Variants in AGR2 observed in about 807,000 individuals in gnomAD.
AGR2 encodes anterior gradient 2, protein disulphide isomerase family member.
A neutral mutation model predicts 25.9 loss-of-function variants in AGR2; 27 were observed. The observed-to-expected ratio is 1.04, with a 90% confidence interval of 0.77 to 1.44. AGR2 has a LOEUF of 1.44. Ranked by LOEUF, AGR2 falls within the 40% of genes most tolerant of loss-of-function variation. The probability of loss-of-function intolerance (pLI) is 0.00; values close to 1 mark genes in which losing one functional copy is unlikely to be tolerated. For synonymous variants in AGR2, 78 were observed against 72.0 expected, an observed-to-expected ratio of 1.08 and a Z score of -0.42; for missense variants, 182 against 200.9, an observed-to-expected ratio of 0.91 and a Z score of 0.57.
intron 7 of AGR2, chr7:16,794,589 A>G (rs1785012576): frequency 2.2e-6 from 1 of 452,216 alleles, no homozygotes; most frequent in Non-Finnish European, 3.8e-6. Flanking sequence ...AAAAATTAAG[A>G]CATGCAGATT....
chr7:16,797,758 A>C (rs1324440378), intron 5 of AGR2, 64 bp from the exon 6 acceptor site: 1 of 1,380,288 alleles, frequency 7.2e-7, no homozygotes. Flanking sequence ...CAAACTTGTT[A>C]ATACAAGAAT....
At chr7:16,794,465 A>G (rs887408405) in intron 7 of AGR2, among the ~76,000 whole-genome samples, 3 of 152,174 alleles carry the variant, frequency 2.0e-5, no homozygotes, top group African/African-American at 7.2e-5. Context: ...GATGGCAACC[A>G]TAGGGAAGGT....
chr7:16,800,892 T>G (rs1414100655), intron 4 of AGR2, among the ~76,000 whole-genome samples: 1 of 152,202 alleles, frequency 6.6e-6, no homozygotes, highest in Non-Finnish European at 1.5e-5. Context: ...AAGCCAGTAT[T>G]TGCTGGTGTA....
In AGR2 at chr7:16,802,105, C is replaced by T. The variant is rs146391002; in HGVS notation, c.-7-302G>A. On this transcript the variant is annotated intron_variant, in intron 1 of 7. Transcript: ENST00000419304. ...TACTTTCTGCGGTTTCAGCTAACCA[C>T]GGTCAACCGCGTCCAAAATAAGTGA... 2.8e-3 allele frequency among the ~76,000 whole-genome samples: 427 copies of T among 151,982 alleles called. 5 individuals are homozygous for T. Among genetic ancestry groups the T allele is most frequent in the African/African-American group, 9.9e-3 (408 of 41,398 alleles).
chr7:16,794,391 T>C (rs919414318), intron 7 of AGR2, among the ~76,000 whole-genome samples: 3 of 152,214 alleles, frequency 2.0e-5, no homozygotes, highest in Non-Finnish European at 2.9e-5. Flanking sequence ...AGCTACAGCG[T>C]TGCATTGAGG....
chr7:16,795,054 GGTTT>G (rs1418115228), intron 6 of AGR2, 35 bp from the exon 7 acceptor site: 1 of 1,610,096 alleles, frequency 6.2e-7, no homozygotes. Flanking sequence ...GGAATGGAAT[GGTTT>G]GTTTTCAAAC....
At position 16,797,516 on chromosome 7, in the gene AGR2, G is replaced by A. The variant is rs913332150; in HGVS notation, c.394+115C>T. The A allele has an allele frequency of 9.1e-6, 7 of 767,904 alleles. No individual in the cohort carries two copies. The African/African-American group carries it at 1.2e-4, about 13-fold the overall frequency. The allele number at this position is 767,904 out of a possible 1,614,324, so 47.6% of individuals were successfully genotyped here. A position where few individuals can be genotyped will look rare whatever the true frequency, so the allele number is the denominator to read the frequency against. On this transcript the variant is annotated intron_variant, in intron 6 of 7. Coordinates refer to ENST00000419304, the MANE Select transcript of AGR2 (RefSeq NM_006408.4). ...TAAAGGAATGTCATGCTCCTTGCTA[G>A]AGCTTAGTGATGACATTGGCCATGG...
Position 16,792,941 on chromosome 7 carries a change from C to G in AGR2, c.495G>C (p.Lys165Asn). The G allele has an allele frequency of 6.2e-7, 1 of 1,614,042 alleles. No individual in the cohort carries two copies. The highest frequency in any genetic ancestry group is 1.1e-5 in the South Asian group (1 of 91,084). The change falls in exon 8 of 8, where the codon AAG (lysine) becomes AAC (asparagine). Residue 165 changes from lysine to asparagine, a missense_variant. Transcript: ENST00000419304. ...ADTALLLDNM[K>N]KALKLLKTEL Reference sequence around the variant, plus strand: ...CAGTCTTCAGCAACTTGAGAGCTTTCTTCATGTTGTCAAGCACTAATGGGG... The same window carrying G: ...CAGTCTTCAGCAACTTGAGAGCTTTGTTCATGTTGTCAAGCACTAATGGGG...
At chr7:16,803,233 T>C (rs1312994119) in intron 1 of AGR2, 2 of 152,086 alleles carry the variant, frequency 1.3e-5, no homozygotes, top group South Asian at 4.1e-4. Context: ...CAAGATAAGT[T>C]TTGTGAGTGA....
intron 1 of AGR2, among the ~76,000 whole-genome samples, chr7:16,803,876 A>C (rs62440424): frequency 0.17 from 25,216 of 152,230 alleles, 2,312 homozygotes; most frequent in South Asian, 0.28. Flanking sequence ...ATTTCTTTGA[A>C]TCTATCAACA....
In AGR2 at chr7:16,792,378, A is replaced by G. The variant is rs1479993918; in HGVS notation, c.*530T>C. The G allele has an allele frequency of 6.5e-6, 1 of 152,944 alleles. No homozygotes were observed. 9.5% of individuals were successfully genotyped at this position (152,944 alleles called of 1,614,324 possible). A position where few individuals can be genotyped will look rare whatever the true frequency, so the allele number is the denominator to read the frequency against. ...TGTGTACCTTAGAGTTCCTGGCCAG[A>G]GTTGACTCTAGGTAGTGATGTGATT... On this transcript the variant is annotated 3_prime_UTR_variant, in exon 8 of 8. Coordinates refer to ENST00000419304, the MANE Select transcript of AGR2 (RefSeq NM_006408.4).
At chr7:16,801,918 G>A in intron 1 of AGR2, 115 bp from the exon 2 acceptor site, 1 of 797,754 alleles carries the variant, frequency 1.3e-6, no homozygotes, top group South Asian at 2.4e-5. Flanking sequence ...TGCTGAGACT[G>A]GACATACGAG....
In AGR2 at chr7:16,799,560, AAC is replaced by A. The variant is rs1391362182; in HGVS notation, c.330+182_330+183del. ...CTAAGATGATTAATTACTAAATAAA[AAC>A]AGACACACCAAATGGATTATTAATA... On this transcript the variant is annotated intron_variant, in intron 5 of 7. Coordinates refer to ENST00000419304, the MANE Select transcript of AGR2 (RefSeq NM_006408.4). 4 of 531,162 alleles carry A rather than the reference AAC, an allele frequency of 7.5e-6. No individual in the cohort carries two copies. In the African/African-American group the frequency reaches 7.6e-5, roughly 10 times the overall value. 32.9% of individuals were successfully genotyped at this position (531,162 alleles called of 1,614,324 possible).
intron 5 of AGR2, 94 bp from the exon 6 acceptor site, chr7:16,797,788 C>T (rs1785075059): frequency 4.2e-6 from 4 of 954,606 alleles, no homozygotes; most frequent in Non-Finnish European, 6.4e-6. Context: ...TCCGGCCAGG[C>T]ATCTCAAGAT....
intron 1 of AGR2, among the ~76,000 whole-genome samples, chr7:16,802,643 C>T (rs1414274041): frequency 1.3e-5 from 2 of 152,012 alleles, no homozygotes; most frequent in Non-Finnish European, 2.9e-5. Context: ...TTAAGTCAAA[C>T]TTCTGTAAGT....
intron 2 of AGR2, 106 bp downstream of exon 2, chr7:16,801,552 C>A (rs768080597): frequency 1.3e-6 from 2 of 1,481,796 alleles, no homozygotes. Flanking sequence ...AGGAACACAA[C>A]CAAAAATAAC....
intron 6 of AGR2, among the ~76,000 whole-genome samples, chr7:16,796,405 C>T (rs562013387): frequency 3.3e-5 from 5 of 152,216 alleles, no homozygotes; most frequent in African/African-American, 1.2e-4. Context: ...TTTAGTTCAG[C>T]CTTCTTCCTT....
In AGR2 at chr7:16,799,935, C is replaced by A. The variant is rs2272244; in HGVS notation, c.257-118G>T. ...TGAATTGCATTTTAAATACAGTATT[C>A]TACTTTGGCCTTTTAGCAAATGATT... On this transcript the variant is annotated intron_variant, in intron 4 of 7. Coordinates refer to ENST00000419304, the MANE Select transcript of AGR2 (RefSeq NM_006408.4). 0.022 allele frequency: 15,393 copies of A among 692,604 alleles called. 1,533 individuals carry two copies. In the East Asian group the frequency reaches 0.27, roughly 12 times the overall value. The allele number at this position is 692,604 out of a possible 1,614,324, so 42.9% of individuals were successfully genotyped here. A position where few individuals can be genotyped will look rare whatever the true frequency, so the allele number is the denominator to read the frequency against.
intron 6 of AGR2, among the ~76,000 whole-genome samples, chr7:16,796,128 G>A (rs138982689): frequency 6.6e-6 from 1 of 152,304 alleles, no homozygotes; most frequent in East Asian, 1.9e-4. Flanking sequence ...TTGGTTTGAG[G>A]TGTGGCCTGG....
Sources: gnomAD v4.1 joint callset for allele counts (sites outside exome capture counted in the v4.1 genomes callset) on GRCh38, gnomAD v4.1.1 for gene constraint, MANE v1.5 for transcripts, NCBI Gene and HGNC (gene_info 2026-07-23, HGNC 2026-07-21) for gene names.